MAD1L1: variants seen among roughly 807,000 people sequenced by gnomAD.
MAD1L1 encodes mitotic spindle assembly checkpoint protein MAD1.
In MAD1L1, 95 loss-of-function variants were observed where a neutral mutation model predicts 96.9. The observed-to-expected ratio is 0.98, with a 90% CI of 0.83 to 1.16. The LOEUF (loss-of-function observed/expected upper bound fraction) is 1.16, where lower values mean the gene tolerates loss of function less well. Ranked by LOEUF, MAD1L1 falls within the 50% of genes most tolerant of loss-of-function variation. The pLI, the probability that MAD1L1 is intolerant of heterozygous loss-of-function variation, is 0.00. For missense variants in MAD1L1, 1,007 were observed against 954.4 expected, an observed-to-expected ratio of 1.06 and a Z score of -0.73; for synonymous variants, 473 against 396.6, an observed-to-expected ratio of 1.19 and a Z score of -2.29.
intron 12 of MAD1L1, among the ~76,000 whole-genome samples, chr7:2,031,174 A>G (rs12538458): frequency 0.99 from 151,227 of 152,286 alleles, 75,098 homozygotes; most frequent in Middle Eastern, 1. Flanking sequence ...TCAGAGAGGA[A>G]GCACGGGGTC....
Position 1,898,410 on chromosome 7 carries a change from AG to A in MAD1L1, c.1808-21del, listed in dbSNP as rs747493146. Reference sequence around the variant, plus strand: ...TCAGCTCTGCGGGAGGGACGGAAGGAGACAGTGAGTGCGGCACCAGGCCGGA... The same window carrying A: ...TCAGCTCTGCGGGAGGGACGGAAGGAACAGTGAGTGCGGCACCAGGCCGGA... On this transcript the variant is annotated intron_variant, in intron 17 of 18. Coordinates refer to ENST00000265854, the MANE Select transcript of MAD1L1 (RefSeq NM_001013836.2). The A allele has an allele frequency of 6.2e-7, 1 of 1,610,324 alleles. No individual in the cohort carries two copies. Among genetic ancestry groups the A allele is most frequent in the South Asian group, 1.1e-5 (1 of 90,798 alleles).
chr7:2,215,712 AG>A (rs960133377), intron 9 of MAD1L1, among the ~76,000 whole-genome samples, 172 bp downstream of exon 9: 21 of 152,272 alleles, frequency 1.4e-4, no homozygotes, highest in African/African-American at 5.1e-4. Context: ...CTGTGTTCAC[AG>A]GCTCTGAGGA....
At chr7:2,106,672 G>C (rs1787118447) in intron 11 of MAD1L1, among the ~76,000 whole-genome samples, 1 of 152,244 alleles carries the variant, frequency 6.6e-6, no homozygotes, top group South Asian at 2.1e-4. Context: ...TCCCGCAAAA[G>C]ACGCCTGCAG....
At chr7:1,961,441 C>T (rs1388249899) in intron 15 of MAD1L1, among the ~76,000 whole-genome samples, 1 of 152,110 alleles carries the variant, frequency 6.6e-6, no homozygotes, top group Non-Finnish European at 1.5e-5. Flanking sequence ...ACAAACACAA[C>T]CAATTTTTGA....
intron 15 of MAD1L1, among the ~76,000 whole-genome samples, chr7:1,965,800 C>G (rs904307728): frequency 6.6e-6 from 1 of 152,274 alleles, no homozygotes; most frequent in African/African-American, 2.4e-5. Context: ...CCTGCAGGGC[C>G]GGGCGTGGGC....
chr7:2,020,601 C>G (rs1782746857), intron 12 of MAD1L1, among the ~76,000 whole-genome samples: 1 of 152,212 alleles, frequency 6.6e-6, no homozygotes, highest in Non-Finnish European at 1.5e-5. Context: ...CCGGGCTGCC[C>G]TGGTACCCGG....
At chr7:1,873,851 G>A (rs1441984838) in intron 18 of MAD1L1, among the ~76,000 whole-genome samples, 1 of 152,200 alleles carries the variant, frequency 6.6e-6, no homozygotes, top group African/African-American at 2.4e-5. Flanking sequence ...AGGGACTCCT[G>A]GCCCTGAAAC....
chr7:1,863,894 C>T (rs1020680881), intron 18 of MAD1L1, among the ~76,000 whole-genome samples: 6 of 152,328 alleles, frequency 3.9e-5, no homozygotes, highest in Non-Finnish European at 7.3e-5. Context: ...CAAGACCAGC[C>T]TGGCCAAGAT....
intron 18 of MAD1L1, among the ~76,000 whole-genome samples, chr7:1,851,098 G>A (rs1044361736): frequency 1.6e-4 from 24 of 152,368 alleles, no homozygotes; most frequent in East Asian, 9.7e-4. Context: ...GGCCACAAGC[G>A]TCTGTGCCAG....
At chr7:2,117,239 G>A (rs542509678) in intron 11 of MAD1L1, among the ~76,000 whole-genome samples, 2 of 152,358 alleles carry the variant, frequency 1.3e-5, no homozygotes, top group African/African-American at 4.8e-5. Flanking sequence ...CTGCAGGGAA[G>A]CTGCACCCCA....
At chr7:2,065,291 C>A (rs1258589093) in intron 12 of MAD1L1, among the ~76,000 whole-genome samples, 5 of 152,154 alleles carry the variant, frequency 3.3e-5, no homozygotes, top group Admixed American at 3.3e-4. Flanking sequence ...CGAATACAGA[C>A]ACCAGCTCTC....
chr7:1,979,030 A>G (rs1200160627), intron 15 of MAD1L1, among the ~76,000 whole-genome samples: 1 of 152,212 alleles, frequency 6.6e-6, no homozygotes, highest in Non-Finnish European at 1.5e-5. Flanking sequence ...CCATGTGCAG[A>G]GCACTTCCTG....
intron 10 of MAD1L1, among the ~76,000 whole-genome samples, chr7:2,163,711 T>C (rs1451816646): frequency 6.6e-6 from 1 of 151,980 alleles, no homozygotes; most frequent in Non-Finnish European, 1.5e-5. Flanking sequence ...GTCATGAGAG[T>C]TGCTGTGCAG....
At chr7:1,989,800 C>T (rs942105725) in intron 14 of MAD1L1, among the ~76,000 whole-genome samples, 4 of 152,166 alleles carry the variant, frequency 2.6e-5, no homozygotes, top group Admixed American at 6.5e-5. Flanking sequence ...GGCCGGCTGG[C>T]CCCATGTTCC....
chr7:2,006,593 AAG>A (rs1301091354), intron 13 of MAD1L1, among the ~76,000 whole-genome samples: 1 of 149,356 alleles, frequency 6.7e-6, no homozygotes, highest in Admixed American at 6.6e-5. Context: ...CCCAGCACAG[AAG>A]AGAGAGGACA....
At chr7:2,206,536 G>A (rs182012939) in intron 10 of MAD1L1, among the ~76,000 whole-genome samples, 14 of 152,126 alleles carry the variant, frequency 9.2e-5, no homozygotes, top group Non-Finnish European at 1.5e-4. Flanking sequence ...TACCACCCTC[G>A]GTGAAAAGAT....
At chr7:2,166,645 G>A (rs1790442608) in intron 10 of MAD1L1, among the ~76,000 whole-genome samples, 1 of 152,260 alleles carries the variant, frequency 6.6e-6, no homozygotes, top group Non-Finnish European at 1.5e-5. Flanking sequence ...GGGGCAGCAA[G>A]TGGAGAGCTT....
intron 10 of MAD1L1, among the ~76,000 whole-genome samples, chr7:2,165,263 C>T (rs1390205353): frequency 6.6e-6 from 1 of 151,884 alleles, no homozygotes; most frequent in East Asian, 1.9e-4. Flanking sequence ...AGTTCTACAA[C>T]AAACAAGGCT....
intron 12 of MAD1L1, among the ~76,000 whole-genome samples, chr7:2,055,099 G>A (rs1223192041): frequency 6.6e-6 from 1 of 152,222 alleles, no homozygotes; most frequent in African/African-American, 2.4e-5. Flanking sequence ...AGAGGAAGCG[G>A]GGCCAAGCCT....
Sources: gnomAD v4.1 joint callset for allele counts (sites outside exome capture counted in the v4.1 genomes callset) on GRCh38, gnomAD v4.1.1 for gene constraint, MANE v1.5 for transcripts, NCBI Gene and HGNC (gene_info 2026-07-23, HGNC 2026-07-21) for gene names.